The following DCC variants were observed in gnomAD, a reference collection of about 807,000 sequenced individuals.
DCC encodes DCC netrin 1 receptor.
A neutral mutation model predicts 172.5 loss-of-function variants in DCC; 58 were observed. The ratio of observed to expected loss-of-function variants is 0.34; its 90% CI spans 0.27 to 0.42. The LOEUF is 0.42. DCC is among the 10% of genes least tolerant of loss of function. The pLI, the probability that DCC is intolerant of heterozygous loss-of-function variation, is 1.00. For synonymous variants in DCC, 709 were observed against 644.5 expected, an observed-to-expected ratio of 1.10 and a Z score of -1.52; for missense variants, 1,740 against 1,791.0, an observed-to-expected ratio of 0.97 and a Z score of 0.51.
At chr18:52,943,842 T>C (rs1182345697) in intron 5 of DCC, among the ~76,000 whole-genome samples, 1 of 152,120 alleles carries the variant, frequency 6.6e-6, no homozygotes, top group Non-Finnish European at 1.5e-5. Flanking sequence ...TTCCGCCTCC[T>C]GGGTTCAAGT....
chr18:52,605,751 A>G (rs1038536435), intron 1 of DCC, among the ~76,000 whole-genome samples: 1 of 152,050 alleles, frequency 6.6e-6, no homozygotes, highest in Non-Finnish European at 1.5e-5. Flanking sequence ...TTTATTTGGG[A>G]TATCAGAGAG....
intron 1 of DCC, among the ~76,000 whole-genome samples, chr18:52,619,533 T>A (rs1367918808): frequency 2.0e-5 from 3 of 152,192 alleles, no homozygotes; most frequent in Non-Finnish European, 4.4e-5. Context: ...TTCCCTTGAG[T>A]ATGGGTGATC....
intron 5 of DCC, among the ~76,000 whole-genome samples, chr18:52,984,268 T>G (rs1443001701): frequency 1.3e-5 from 2 of 152,122 alleles, no homozygotes; most frequent in Non-Finnish European, 2.9e-5. Context: ...GAAATAGAAT[T>G]TTTCTCTATA....
At chr18:53,363,157 T>G (rs1192372460) in intron 15 of DCC, among the ~76,000 whole-genome samples, 1 of 152,130 alleles carries the variant, frequency 6.6e-6, no homozygotes, top group Non-Finnish European at 1.5e-5. Flanking sequence ...AAAGCATTCC[T>G]TACCCACTGG....
intron 19 of DCC, among the ~76,000 whole-genome samples, chr18:53,409,314 A>G (rs914912616): frequency 1.3e-5 from 2 of 152,198 alleles, no homozygotes; most frequent in African/African-American, 4.8e-5. Context: ...TCCCCAGTCC[A>G]GCTGGGACAA....
chr18:53,190,003 T>C (rs566779244), intron 9 of DCC, among the ~76,000 whole-genome samples: 8 of 152,336 alleles, frequency 5.3e-5, no homozygotes, highest in Non-Finnish European at 1.0e-4. Flanking sequence ...CCTGGCTTAC[T>C]GTAACCTCCA....
At position 53,398,523 on chromosome 18, in the gene DCC, G is replaced by C. The variant is rs144831551; in HGVS notation, c.2827+1077G>C. Among the ~76,000 whole-genome samples the C allele has an allele frequency of 4.3e-4, 65 of 152,260 alleles. No homozygotes were observed. The East Asian group carries it at 0.011, about 27-fold the overall frequency. Reference sequence around the variant, plus strand: ...CGGATGAGATACATACTATTGGATAGAGTAAACAAGTAAACAGTCTACTCT... The same window carrying C: ...CGGATGAGATACATACTATTGGATACAGTAAACAAGTAAACAGTCTACTCT... On this transcript the variant is annotated intron_variant, in intron 18 of 28. Coordinates refer to ENST00000442544, the MANE Select transcript of DCC (RefSeq NM_005215.4).
chr18:53,529,465 T>C (rs2046501961), intron 28 of DCC, among the ~76,000 whole-genome samples: 1 of 152,114 alleles, frequency 6.6e-6, no homozygotes, highest in African/African-American at 2.4e-5. Context: ...AAGTAGAACA[T>C]CTGTATAAGT....
chr18:52,614,748 G>A (rs2144847857), intron 1 of DCC, among the ~76,000 whole-genome samples: 1 of 152,006 alleles, frequency 6.6e-6, no homozygotes, highest in Middle Eastern at 3.4e-3. Context: ...TGAATATAAA[G>A]CATGTTACAT....
intron 2 of DCC, among the ~76,000 whole-genome samples, chr18:52,850,937 G>A (rs1387888849): frequency 6.6e-6 from 1 of 151,858 alleles, no homozygotes; most frequent in Non-Finnish European, 1.5e-5. Context: ...TATCTTTTCT[G>A]TATTAATAAA....
intron 1 of DCC, among the ~76,000 whole-genome samples, chr18:52,423,248 C>T (rs776326312): frequency 6.6e-6 from 1 of 152,132 alleles, no homozygotes; most frequent in East Asian, 1.9e-4. Flanking sequence ...AGGGCACTAT[C>T]GGCTGTATAC....
chr18:53,072,491 G>A (rs1229034599), intron 7 of DCC, among the ~76,000 whole-genome samples: 1 of 152,186 alleles, frequency 6.6e-6, no homozygotes, highest in African/African-American at 2.4e-5. Context: ...TGCAGCGGAA[G>A]GTTGTTGGAA....
At chr18:52,396,388 CA>C (rs1263784089) in intron 1 of DCC, among the ~76,000 whole-genome samples, 2 of 144,286 alleles carry the variant, frequency 1.4e-5, no homozygotes, top group African/African-American at 5.2e-5. Context: ...ATTTTCCTGA[CA>C]ATCAATTTTC....
intron 12 of DCC, among the ~76,000 whole-genome samples, chr18:53,218,775 A>T (rs1307109368): frequency 1.3e-5 from 2 of 152,308 alleles, no homozygotes; most frequent in East Asian, 3.9e-4. Context: ...ACTTTTTATA[A>T]GAATAATTTC....
chr18:52,793,379 A>G (rs2145210602), intron 2 of DCC, among the ~76,000 whole-genome samples: 1 of 152,310 alleles, frequency 6.6e-6, no homozygotes. Flanking sequence ...CAGGCTATTT[A>G]TTAGAAAATG....
At chr18:52,837,624 A>C (rs1219179807) in intron 2 of DCC, among the ~76,000 whole-genome samples, 1 of 152,144 alleles carries the variant, frequency 6.6e-6, no homozygotes, top group East Asian at 1.9e-4. Context: ...AAAGCCATTC[A>C]ACAAGTCTCT....
chr18:52,671,656 C>T (rs1363305800), intron 1 of DCC, among the ~76,000 whole-genome samples: 6 of 151,354 alleles, frequency 4.0e-5, no homozygotes, highest in Non-Finnish European at 7.4e-5. Context: ...TCTCGTGCCT[C>T]AGCCTCCCGA....
chr18:53,242,629 CAA>C (rs1568386761), intron 12 of DCC, among the ~76,000 whole-genome samples: 70 of 152,092 alleles, frequency 4.6e-4, no homozygotes, highest in African/African-American at 1.7e-3. Context: ...ATCTAAGAAC[CAA>C]ATAAATGCAA....
chr18:53,510,956 A>AT (rs2046244224), intron 27 of DCC, among the ~76,000 whole-genome samples: 1 of 152,000 alleles, frequency 6.6e-6, no homozygotes, highest in Non-Finnish European at 1.5e-5. Flanking sequence ...AGAATTTTTT[A>AT]TTTTTGTCTA....
Sources: allele counts gnomAD v4.1 joint callset (sites outside exome capture counted in the v4.1 genomes callset), GRCh38; gene constraint gnomAD v4.1.1; transcripts MANE v1.5; gene names NCBI Gene and HGNC (gene_info 2026-07-23, HGNC 2026-07-21).